Variants in TMPO observed in about 807,000 individuals in gnomAD.
TMPO encodes the protein LEM domain containing 4.
In TMPO, 22 loss-of-function variants were observed where a neutral mutation model predicts 45.4. The observed-to-expected ratio is 0.48, with a 90% CI of 0.35 to 0.69. TMPO has a LOEUF of 0.69. TMPO is among the 30% of genes least tolerant of loss of function. The pLI, the probability that TMPO is intolerant of heterozygous loss-of-function variation, is 0.01. For missense variants in TMPO, 512 were observed against 548.8 expected (o/e 0.93, Z 0.67); for synonymous variants, 241 against 204.1 (o/e 1.18, Z -1.54).
intron 7 of TMPO, 75 bp downstream of exon 7, chr12:98,545,136 T>TTG: frequency 8.3e-7 from 1 of 1,197,898 alleles, no homozygotes; most frequent in South Asian, 1.3e-5. Flanking sequence ...TTTGTTTTTT[T>TTG]TTTTTTTTTT....
chr12:98,549,412 T>G lies in TMPO; in HGVS notation c.*1554T>G, dbSNP rs1169691377. On this transcript the variant is annotated 3_prime_UTR_variant, in exon 9 of 9. Transcript: ENST00000556029. ...CCTGACCTCAAGTGATCAGCCCACC[T>G]CAGCTTCCCAAAGTGCTGGGATTAC... 1 of 124,278 alleles carries G rather than the reference T, an allele frequency of 8.0e-6. No individual in the cohort carries two copies. Among genetic ancestry groups the G allele is most frequent in the Non-Finnish European group, 1.8e-5 (1 of 56,860 alleles). The allele number at this position is 124,278 out of a possible 1,614,324, so 7.7% of individuals were successfully genotyped here. A position where few individuals can be genotyped will look rare whatever the true frequency, so the allele number is the denominator to read the frequency against.
chr12:98,543,897 C>T (rs992652155), intron 4 of TMPO, among the ~76,000 whole-genome samples: 4 of 152,072 alleles, frequency 2.6e-5, no homozygotes, highest in African/African-American at 9.7e-5. Context: ...TTTGTTTAGA[C>T]AGAGATGTAG....
intron 2 of TMPO, among the ~76,000 whole-genome samples, chr12:98,530,997 C>CA (rs1199990899): frequency 6.6e-6 from 1 of 152,214 alleles, no homozygotes; most frequent in Non-Finnish European, 1.5e-5. Context: ...GTGTGGAATG[C>CA]AATGGTGCGA....
rs551069344 is a variant in TMPO at position 98,538,791 on chromosome 12, A to T, written c.663+1219A>T. ...TAGAAATGAGCTTTGTGACAAGAAC[A>T]TACAGAGCATTGAATGAATGAAGAC... On this transcript the variant is annotated intron_variant, in intron 4 of 8. Coordinates refer to ENST00000556029, the MANE Select transcript of TMPO (RefSeq NM_001032283.3). 1.2e-4 allele frequency among the ~76,000 whole-genome samples: 18 copies of T among 152,390 alleles called. No homozygotes were observed. In the South Asian group the frequency reaches 3.3e-3, roughly 28 times the overall value.
intron 4 of TMPO, among the ~76,000 whole-genome samples, chr12:98,542,727 G>T (rs777127217): frequency 6.6e-6 from 1 of 152,066 alleles, no homozygotes; most frequent in African/African-American, 2.4e-5. Context: ...GTGTGCTGGT[G>T]CGTGCCTGTA....
chr12:98,541,155 A>T (rs532259398), intron 4 of TMPO, among the ~76,000 whole-genome samples: 1 of 152,262 alleles, frequency 6.6e-6, no homozygotes, highest in Admixed American at 6.5e-5. Flanking sequence ...GTTTTCTGGA[A>T]TAGTAAGACG....
In TMPO at chr12:98,546,393, G is replaced by T; in HGVS notation, c.1025G>T (p.Arg342Met). 6.2e-7 allele frequency: 1 copy of T among 1,612,918 alleles called. No homozygotes were observed. Among genetic ancestry groups the T allele is most frequent in the Non-Finnish European group, 8.5e-7 (1 of 1,179,044 alleles). ...AAAACAGAGGAAAGAAGAGTAGAAA[G>T]GGATATTCTTAAGGAAATGTTCCCC... ...GEKTEERRVE[R>M]DILKEMFPYE... is the part of the protein sequence containing the mutation. Residue 342 changes from arginine (R) to methionine (M), a missense_variant, in exon 8 of 9, where the codon AGG (arginine) becomes ATG (methionine). Arg to Met is a moderately conservative substitution (Grantham distance 91). Around this residue, in one of 3 missense-constraint regions of TMPO, gnomAD observed 209 missense variants for 235.1 expected, o/e 0.89. Coordinates refer to ENST00000556029, the MANE Select transcript of TMPO (RefSeq NM_001032283.3).
At chr12:98,516,361 G>C in intron 1 of TMPO, 1 of 1,218,166 alleles carries the variant, frequency 8.2e-7, no homozygotes, top group Non-Finnish European at 1.0e-6. Flanking sequence ...GTTCTTTGAC[G>C]TGTGGGTCTG....
At chr12:98,518,934 T>G (rs1391897258) in intron 1 of TMPO, among the ~76,000 whole-genome samples, 1 of 151,576 alleles carries the variant, frequency 6.6e-6, no homozygotes, top group African/African-American at 2.4e-5. Context: ...CAGTCTGGGG[T>G]GCGGTGGCGC....
intron 3 of TMPO, chr12:98,535,442 G>C: frequency 1.0e-6 from 1 of 985,276 alleles, no homozygotes; most frequent in Non-Finnish European, 1.2e-6. Context: ...GGTCTCTTGG[G>C]TACTCCCTCT....
In TMPO at chr12:98,527,168, A is replaced by G. The variant is rs73382594; in HGVS notation, c.280-718A>G. On this transcript the variant is annotated intron_variant, in intron 1 of 8. Coordinates refer to ENST00000556029, the MANE Select transcript of TMPO (RefSeq NM_001032283.3). ...TTCATGCTGATCTGTTTCCGTTGCC[A>G]TTGGAGTTATATGCTTTAAGAAATG... 4.6e-3 allele frequency among the ~76,000 whole-genome samples: 693 copies of G among 151,966 alleles called. 6 individuals carry two copies. Among genetic ancestry groups the G allele is most frequent in the African/African-American group, 0.016 (663 of 41,446 alleles).
At chr12:98,542,618 TTGGGAGGCCCAGG>T (rs1403565424) in intron 4 of TMPO, among the ~76,000 whole-genome samples, 1 of 152,168 alleles carries the variant, frequency 6.6e-6, no homozygotes, top group Non-Finnish European at 1.5e-5. Flanking sequence ...TCCCCGCACT[TTGGGAGGCCCAGG>T]TGGGTGGATC....
intron 2 of TMPO, among the ~76,000 whole-genome samples, chr12:98,528,284 T>C (rs546591164): frequency 6.6e-6 from 1 of 151,844 alleles, no homozygotes; most frequent in South Asian, 2.1e-4. Flanking sequence ...TGTTTTGTTT[T>C]TTGTTTTTTT....
chr12:98,519,137 T>C (rs1024488320), intron 1 of TMPO, among the ~76,000 whole-genome samples: 2 of 152,158 alleles, frequency 1.3e-5, no homozygotes, highest in Non-Finnish European at 2.9e-5. Flanking sequence ...CCGTCTCGGC[T>C]TCTCAAAGTG....
At chr12:98,544,879 T>C (rs766311542) in intron 6 of TMPO, 72 bp from the exon 7 acceptor site, 8 of 1,212,214 alleles carry the variant, frequency 6.6e-6, no homozygotes, top group Non-Finnish European at 9.8e-6. Context: ...AGATAAAATA[T>C]CTTTCTTTTC....
At chr12:98,534,227 A>T in intron 3 of TMPO, 1 of 1,613,954 alleles carries the variant, frequency 6.2e-7, no homozygotes, top group South Asian at 1.1e-5. Context: ...TGGCTGAAGG[A>T]TTGCAAAATT....
chr12:98,542,857 CAAA>C (rs1877997286), intron 4 of TMPO, among the ~76,000 whole-genome samples: 1 of 140,096 alleles, frequency 7.1e-6, no homozygotes, highest in African/African-American at 2.5e-5. Context: ...GATTCTGTCT[CAAA>C]AAAATAAATA....
At chr12:98,528,100 C>G (rs552309741) in intron 2 of TMPO, 88 bp downstream of exon 2, 1 of 1,484,978 alleles carries the variant, frequency 6.7e-7, no homozygotes, top group Non-Finnish European at 9.4e-7. Context: ...AGTTTAGGTT[C>G]CAAGGACTGG....
Position 98,550,163 on chromosome 12 carries a change from T to A in TMPO, c.*2305T>A, listed in dbSNP as rs1168683897. The A allele has an allele frequency of 6.6e-6, 1 of 152,244 alleles. No homozygotes were observed. Among genetic ancestry groups the A allele is most frequent in the Non-Finnish European group, 1.5e-5 (1 of 68,048 alleles). 9.4% of individuals were successfully genotyped at this position (152,244 alleles called of 1,614,324 possible). On this transcript the variant is annotated 3_prime_UTR_variant, in exon 9 of 9. Coordinates refer to ENST00000556029, the MANE Select transcript of TMPO (RefSeq NM_001032283.3). ...CCAGGTGAAACATGTAGTCATTTTT[T>A]AAAAACATGTACTTGGTCTTTTGTG...
Sources: gnomAD v4.1 joint callset for allele counts (sites outside exome capture counted in the v4.1 genomes callset) on GRCh38, gnomAD v4.1.1 for gene constraint, gnomAD v4.1.1 regional missense constraint, MANE v1.5 for transcripts, NCBI Gene and HGNC (gene_info 2026-07-23, HGNC 2026-07-21) for gene names.